Variants in ITSN1 observed in about 807,000 individuals in gnomAD.
ITSN1 encodes the protein intersectin-1.
A neutral mutation model predicts 239.8 loss-of-function variants in ITSN1; 58 were observed. That is an observed-to-expected ratio of 0.24 (90% CI 0.20 to 0.30). The LOEUF is 0.30. Among genes scored for constraint, ITSN1 ranks in the 10% least tolerant of loss-of-function variants. The pLI is 1.00. For synonymous variants in ITSN1, 780 were observed against 770.8 expected (o/e 1.01, Z -0.20); for missense variants, 1,558 against 2,103.3 (o/e 0.74, Z 5.07).
chr21:33,704,261 A>G (rs2092149753), intron 1 of ITSN1, among the ~76,000 whole-genome samples: 1 of 152,148 alleles, frequency 6.6e-6, no homozygotes, highest in Admixed American at 6.5e-5. Flanking sequence ...TCAGCATTCT[A>G]TTAATCTTAA....
chr21:33,798,165 A>G (rs1602296583), intron 18 of ITSN1, among the ~76,000 whole-genome samples: 2 of 152,142 alleles, frequency 1.3e-5, no homozygotes, highest in East Asian at 3.9e-4. Context: ...TGGCACACTC[A>G]TAGTTAAATG....
intron 26 of ITSN1, 139 bp from the exon 27 acceptor site, chr21:33,829,485 T>C (rs1264843501): frequency 1.1e-6 from 1 of 871,870 alleles, no homozygotes; most frequent in East Asian, 2.5e-5. Context: ...CAGGGAGCCT[T>C]ACTCGTTGGG....
At chr21:33,736,553 G>C (rs1201136454) in intron 5 of ITSN1, among the ~76,000 whole-genome samples, 4 of 152,214 alleles carry the variant, frequency 2.6e-5, no homozygotes, top group Admixed American at 6.5e-5. Flanking sequence ...ACATGACTGG[G>C]GCCGTTGTTT....
intron 29 of ITSN1, chr21:33,837,335 T>C (rs1168299813): frequency 1.7e-5 from 18 of 1,038,290 alleles, no homozygotes; most frequent in Non-Finnish European, 2.0e-5. Context: ...TTTTTAAATA[T>C]ATATTTTAGC....
intron 16 of ITSN1, among the ~76,000 whole-genome samples, chr21:33,790,197 A>G (rs142473003): frequency 2.0e-4 from 31 of 152,178 alleles, no homozygotes; most frequent in South Asian, 1.2e-3. Context: ...AAGCTTATTC[A>G]TGGAACCTGG....
Position 33,846,468 on chromosome 21 carries a change from A to C in ITSN1, c.3661+9836A>C, listed in dbSNP as rs563535361. Among the ~76,000 whole-genome samples the C allele has an allele frequency of 3.9e-5, 6 of 152,352 alleles. No individual in the cohort carries two copies. The East Asian group carries it at 9.6e-4, about 24-fold the overall frequency. ...AAATCTTGTGGTTTGTTACATCCCC[A>C]TTAAGACCTCCATGGTAACAACACT... On this transcript the variant is annotated intron_variant, in intron 29 of 39. Coordinates refer to ENST00000381318, the MANE Select transcript of ITSN1 (RefSeq NM_003024.3).
Position 33,886,478 on chromosome 21 carries a change from C to T in ITSN1, c.5017+18C>T, listed in dbSNP as rs1322159186. On this transcript the variant is annotated intron_variant, in intron 39 of 39. Transcript: ENST00000381318. Reference sequence around the variant, plus strand: ...ACCAGATGGTGAGTGGAACGCGGCCCTGTGGTTATTCCTCCTTCCCTGGCA... The same window carrying T: ...ACCAGATGGTGAGTGGAACGCGGCCTTGTGGTTATTCCTCCTTCCCTGGCA... 6.6e-7 allele frequency: 1 copy of T among 1,524,504 alleles called. No homozygotes were observed. The highest frequency in any genetic ancestry group is 8.8e-7 in the Non-Finnish European group (1 of 1,134,756). 94.4% of individuals were successfully genotyped at this position (1,524,504 alleles called of 1,614,324 possible).
rs1986537116 is a variant in ITSN1, at chr21:33,893,968, C to G, written c.*5668C>G. On this transcript the variant is annotated 3_prime_UTR_variant, in exon 40 of 40. Transcript: ENST00000381318. ...AACCCAGACACCAAGACACACTAGA[C>G]AGTCCATCTCTGGGTTGTGATCTCT... The G allele has an allele frequency of 6.6e-6, 1 of 152,178 alleles. No homozygotes were observed. The highest frequency in any genetic ancestry group is 1.5e-5 in the Non-Finnish European group (1 of 68,038). The allele number at this position is 152,178 out of a possible 1,614,324, so 9.4% of individuals were successfully genotyped here.
intron 10 of ITSN1, among the ~76,000 whole-genome samples, chr21:33,767,028 C>T (rs1486477702): frequency 5.9e-5 from 9 of 151,824 alleles, no homozygotes; most frequent in African/African-American, 1.7e-4. Flanking sequence ...ATTAGCCAGG[C>T]GTGGTGGCAG....
intron 1 of ITSN1, among the ~76,000 whole-genome samples, chr21:33,672,501 A>C (rs1383589819): frequency 6.6e-6 from 1 of 152,246 alleles, no homozygotes; most frequent in Non-Finnish European, 1.5e-5. Flanking sequence ...GATATGAAGA[A>C]AAGGGAACGC....
At chr21:33,799,655 C>T (rs1206883984) in intron 18 of ITSN1, among the ~76,000 whole-genome samples, 153 bp from the exon 19 acceptor site, 1 of 152,108 alleles carries the variant, frequency 6.6e-6, no homozygotes, top group Non-Finnish European at 1.5e-5. Flanking sequence ...CTTTGGCATT[C>T]AGTATGTGTT....
At chr21:33,808,883 T>C (rs2072678240) in intron 20 of ITSN1, among the ~76,000 whole-genome samples, 1 of 152,320 alleles carries the variant, frequency 6.6e-6, no homozygotes, top group East Asian at 1.9e-4. Flanking sequence ...CTGCCTGACA[T>C]CACCTTTGGT....
At chr21:33,673,971 C>T (rs915364132) in intron 1 of ITSN1, among the ~76,000 whole-genome samples, 32 of 152,210 alleles carry the variant, frequency 2.1e-4, no homozygotes, top group Admixed American at 2.1e-3. Flanking sequence ...GTTTTTAGCA[C>T]ACCTGATAGT....
At chr21:33,749,603 C>G (rs866927115) in intron 5 of ITSN1, among the ~76,000 whole-genome samples, 5 of 151,236 alleles carry the variant, frequency 3.3e-5, no homozygotes, top group African/African-American at 9.7e-5. Context: ...GATCACGCCA[C>G]TGCACTCCAG....
intron 2 of ITSN1, among the ~76,000 whole-genome samples, chr21:33,719,556 G>T (rs1351989124): frequency 2.0e-5 from 3 of 152,132 alleles, no homozygotes; most frequent in Non-Finnish European, 4.4e-5. Flanking sequence ...GACATTTCTT[G>T]TTATGGTTTG....
chr21:33,894,194 A>G lies in ITSN1; in HGVS notation c.*5894A>G, dbSNP rs1986553134. On this transcript the variant is annotated 3_prime_UTR_variant, in exon 40 of 40. Transcript: ENST00000381318. ...GGCAAACTAACTTTAAGTCATTAAA[A>G]TAAGACCCAACGCTTATAAAAGAGT... 6.6e-6 allele frequency: 1 copy of G among 152,258 alleles called. No individual in the cohort carries two copies. The highest frequency in any genetic ancestry group is 6.5e-5 in the Admixed American group (1 of 15,288). The allele number at this position is 152,258 out of a possible 1,614,324, so 9.4% of individuals were successfully genotyped here. A position where few individuals can be genotyped will look rare whatever the true frequency, so the allele number is the denominator to read the frequency against.
At chr21:33,668,789 C>G (rs1279906792) in intron 1 of ITSN1, among the ~76,000 whole-genome samples, 1 of 152,204 alleles carries the variant, frequency 6.6e-6, no homozygotes, top group Non-Finnish European at 1.5e-5. Context: ...AAGCTCAGAG[C>G]CTTGCAGGTC....
intron 39 of ITSN1, 125 bp downstream of exon 39, chr21:33,886,585 G>A: frequency 4.7e-6 from 4 of 846,748 alleles, no homozygotes; most frequent in Non-Finnish European, 5.4e-6. Context: ...AGATGAGGCT[G>A]GCTGGCACAA....
Position 33,897,543 on chromosome 21 carries a change from G to A in ITSN1, c.*9243G>A, listed in dbSNP as rs1986854415. On this transcript the variant is annotated 3_prime_UTR_variant, in exon 40 of 40. Transcript: ENST00000381318. Reference sequence around the variant, plus strand: ...GAACTCCCACTATATAAAGGGAAAAGGTTGTATTCATTTCATGTTCCTCAT... The same window carrying A: ...GAACTCCCACTATATAAAGGGAAAAAGTTGTATTCATTTCATGTTCCTCAT... 1 of 152,184 alleles carries A rather than the reference G, an allele frequency of 6.6e-6. No individual in the cohort carries two copies. Among genetic ancestry groups the A allele is most frequent in the Admixed American group, 6.5e-5 (1 of 15,284 alleles). The allele number at this position is 152,184 out of a possible 1,614,324, so 9.4% of individuals were successfully genotyped here. A position where few individuals can be genotyped will look rare whatever the true frequency, so the allele number is the denominator to read the frequency against.
Sources: gnomAD v4.1 joint callset for allele counts (sites outside exome capture counted in the v4.1 genomes callset) on GRCh38, gnomAD v4.1.1 for gene constraint, MANE v1.5 for transcripts, NCBI Gene and HGNC (gene_info 2026-07-23, HGNC 2026-07-21) for gene names.